The following PPHLN1 variants were observed in gnomAD, a reference collection of about 807,000 sequenced individuals.
PPHLN1 encodes the protein periphilin 1.
A neutral mutation model predicts 51.3 loss-of-function variants in PPHLN1; 29 were observed. The observed-to-expected ratio is 0.57, with a 90% CI of 0.42 to 0.77. PPHLN1 has a LOEUF of 0.77. Ranked by LOEUF, PPHLN1 falls within the 30% of genes least tolerant of loss-of-function variation. The probability of loss-of-function intolerance (pLI) is 0.00; values close to 1 mark genes in which losing one functional copy is unlikely to be tolerated. For missense variants in PPHLN1, 436 were observed against 438.4 expected, an observed-to-expected ratio of 0.99 and a Z score of 0.05; for synonymous variants, 147 against 147.8, an observed-to-expected ratio of 0.99 and a Z score of 0.04.
At chr12:42,373,407 G>A (rs557652388) in intron 4 of PPHLN1, among the ~76,000 whole-genome samples, 11 of 152,276 alleles carry the variant, frequency 7.2e-5, no homozygotes, top group Admixed American at 3.9e-4. Context: ...ACTTACTTGT[G>A]TCTGAAGGGA....
At chr12:42,361,852 A>G (rs2074726349) in intron 4 of PPHLN1, 1 of 151,948 alleles carries the variant, frequency 6.6e-6, no homozygotes, top group African/African-American at 2.4e-5. Context: ...GCCTACGAAT[A>G]CCTCTTTTGA....
chr12:42,388,307 G>A (rs1456151723), intron 7 of PPHLN1, among the ~76,000 whole-genome samples: 2 of 152,174 alleles, frequency 1.3e-5, no homozygotes, highest in African/African-American at 2.4e-5. Flanking sequence ...GGCAGGAGGC[G>A]AGACATGCTG....
At chr12:42,400,353 A>T (rs2078690317) in intron 9 of PPHLN1, 1 of 150,336 alleles carries the variant, frequency 6.7e-6, no homozygotes, top group African/African-American at 2.4e-5. Flanking sequence ...CTGTAGTCCC[A>T]GCTACTTGGG....
chr12:42,374,681 C>T lies in PPHLN1; in HGVS notation c.300-182C>T, dbSNP rs560615192. 3.0e-3 allele frequency: 1,371 copies of T among 455,480 alleles called. 8 individuals carry two copies. Among genetic ancestry groups the T allele is most frequent in the Non-Finnish European group, 4.3e-3 (1,107 of 257,026 alleles). 28.2% of individuals were successfully genotyped at this position (455,480 alleles called of 1,614,324 possible). A position where few individuals can be genotyped will look rare whatever the true frequency, so the allele number is the denominator to read the frequency against. On this transcript the variant is annotated intron_variant, in intron 4 of 9. Coordinates refer to ENST00000358314, the MANE Select transcript of PPHLN1 (RefSeq NM_201439.2). ...GTGTTAGCCAGGATGGTCTCCATCT[C>T]CTGACCTCGTGATCTGCCCGTCTCG...
intron 9 of PPHLN1, among the ~76,000 whole-genome samples, chr12:42,425,037 T>TG (rs1282982500): frequency 4.4e-5 from 6 of 137,444 alleles, no homozygotes; most frequent in African/African-American, 1.6e-4. Context: ...TTTATTTTAT[T>TG]TTATGTATGT....
intron 9 of PPHLN1, chr12:42,432,930 G>C (rs372874677): frequency 1.7e-6 from 2 of 1,207,612 alleles, no homozygotes; most frequent in Non-Finnish European, 2.5e-6. Flanking sequence ...AGTGTCATTA[G>C]CTGTGTTGTT....
chr12:42,410,733 A>G (rs1187757786), intron 9 of PPHLN1, among the ~76,000 whole-genome samples: 1 of 152,242 alleles, frequency 6.6e-6, no homozygotes, highest in African/African-American at 2.4e-5. Flanking sequence ...TTTGGATGCA[A>G]AAACACAGCC....
At chr12:42,332,174 C>G (rs1396098390) in intron 1 of PPHLN1, among the ~76,000 whole-genome samples, 1 of 151,854 alleles carries the variant, frequency 6.6e-6, no homozygotes, top group Admixed American at 6.6e-5. Flanking sequence ...ACTGCATTCC[C>G]GCCTGGGCAA....
At position 42,424,733 on chromosome 12, in the gene PPHLN1, G is replaced by C. The variant is rs2139742630; in HGVS notation, c.910-16582G>C. Among the ~76,000 whole-genome samples the C allele has an allele frequency of 2.6e-5, 4 of 152,262 alleles. No individual in the cohort carries two copies. The East Asian group carries it at 7.7e-4, about 29-fold the overall frequency. ...CACTCGCTTCAGCCACAAAAAAAGAGATTATGGCATACATTTTGAAAGTCT... is the reference window on the plus strand; with the variant it reads ...CACTCGCTTCAGCCACAAAAAAAGACATTATGGCATACATTTTGAAAGTCT... On this transcript the variant is annotated intron_variant, in intron 9 of 9. Coordinates refer to ENST00000358314, the MANE Select transcript of PPHLN1 (RefSeq NM_201439.2).
chr12:42,364,828 C>T (rs568430606), intron 4 of PPHLN1, among the ~76,000 whole-genome samples: 1 of 152,046 alleles, frequency 6.6e-6, no homozygotes, highest in Admixed American at 6.5e-5. Flanking sequence ...GGCTGAGGCA[C>T]GAGAATCACT....
At chr12:42,402,872 A>G (rs974751744) in intron 9 of PPHLN1, among the ~76,000 whole-genome samples, 2 of 152,156 alleles carry the variant, frequency 1.3e-5, no homozygotes, top group African/African-American at 4.8e-5. Flanking sequence ...CTCTTCTTAC[A>G]GTGTCTCATT....
intron 2 of PPHLN1, among the ~76,000 whole-genome samples, chr12:42,341,332 A>G (rs1683280292): frequency 6.6e-6 from 1 of 152,108 alleles, no homozygotes; most frequent in Non-Finnish European, 1.5e-5. Flanking sequence ...ATTCTGATAC[A>G]AAATAAATGT....
chr12:42,337,383 C>T (rs2070825601), intron 2 of PPHLN1, among the ~76,000 whole-genome samples: 1 of 151,718 alleles, frequency 6.6e-6, no homozygotes, highest in Non-Finnish European at 1.5e-5. Context: ...GCAGTCTCGG[C>T]TCACTGGGTT....
At chr12:42,405,687 G>A (rs1400203081) in intron 9 of PPHLN1, among the ~76,000 whole-genome samples, 2 of 152,086 alleles carry the variant, frequency 1.3e-5, no homozygotes, top group African/African-American at 4.8e-5. Context: ...GTTAGCTGGG[G>A]GAATATTTGT....
chr12:42,390,794 AT>A (rs1005477620), intron 7 of PPHLN1, among the ~76,000 whole-genome samples: 10 of 102,230 alleles, frequency 9.8e-5, no homozygotes, highest in East Asian at 2.7e-4. Context: ...AAATGTTTGC[AT>A]TTTTTTTTTC....
chr12:42,408,521 G>A (rs1486464285), intron 9 of PPHLN1, among the ~76,000 whole-genome samples: 1 of 152,112 alleles, frequency 6.6e-6, no homozygotes, highest in Non-Finnish European at 1.5e-5. Context: ...GTACATAATG[G>A]TGTATTACTT....
chr12:42,333,284 G>A (rs528535538), intron 1 of PPHLN1, among the ~76,000 whole-genome samples: 1 of 152,066 alleles, frequency 6.6e-6, no homozygotes, highest in African/African-American at 2.4e-5. Flanking sequence ...GTAACTGATT[G>A]GTTCAGCAAT....
At chr12:42,376,939 T>A (rs1481648318) in intron 5 of PPHLN1, among the ~76,000 whole-genome samples, 1 of 152,200 alleles carries the variant, frequency 6.6e-6, no homozygotes, top group Non-Finnish European at 1.5e-5. Flanking sequence ...CTTTTGCTTC[T>A]ATATACCCCA....
intron 1 of PPHLN1, among the ~76,000 whole-genome samples, chr12:42,327,357 C>A (rs762407010): frequency 1.8e-4 from 28 of 152,310 alleles, no homozygotes; most frequent in Admixed American, 2.6e-4. Context: ...GATTTTCCTG[C>A]CAGCCATTTC....
Sources: allele counts gnomAD v4.1 joint callset (sites outside exome capture counted in the v4.1 genomes callset), GRCh38; gene constraint gnomAD v4.1.1; transcripts MANE v1.5; gene names NCBI Gene and HGNC (gene_info 2026-07-23, HGNC 2026-07-21).